Variants in RABGAP1L observed in about 807,000 individuals in gnomAD.
RABGAP1L encodes rab GTPase-activating protein 1-like.
A neutral mutation model predicts 137.7 loss-of-function variants in RABGAP1L; 63 were observed. The ratio of observed to expected loss-of-function variants is 0.46; its 90% confidence interval spans 0.37 to 0.56. The LOEUF is 0.56. Ranked by LOEUF, RABGAP1L falls within the 20% of genes least tolerant of loss-of-function variation. The pLI is 0.00. For missense variants in RABGAP1L, 1,095 were observed against 1,244.0 expected (o/e 0.88, Z 1.80); for synonymous variants, 431 against 433.7 (o/e 0.99, Z 0.08).
At chr1:174,555,519 GAAAAATGTATGTCCCCCCCCCAAA>G (rs1470359187) in intron 13 of RABGAP1L, among the ~76,000 whole-genome samples, 2 of 150,494 alleles carry the variant, frequency 1.3e-5, no homozygotes, top group East Asian at 3.9e-4. Flanking sequence ...TATGTAACAA[GAAAAATGTATGTCCCCCCCCCAAA>G]AAAAATGTAT....
intron 13 of RABGAP1L, among the ~76,000 whole-genome samples, chr1:174,560,295 TATACCCAAGTGTAGTATTC>T (rs1667128822): frequency 6.6e-6 from 1 of 152,200 alleles, no homozygotes; most frequent in South Asian, 2.1e-4. Flanking sequence ...CCCCTCAGAA[TATACCCAAGTGTAGTATTC>T]ATGGTAGTCC....
At chr1:174,607,396 G>A (rs962774144) in intron 13 of RABGAP1L, among the ~76,000 whole-genome samples, 8 of 152,148 alleles carry the variant, frequency 5.3e-5, no homozygotes, top group African/African-American at 1.7e-4. Flanking sequence ...TGCTCTCAGA[G>A]GGTAGGGCCA....
intron 13 of RABGAP1L, among the ~76,000 whole-genome samples, chr1:174,540,795 A>G (rs1039446568): frequency 1.3e-5 from 2 of 152,222 alleles, no homozygotes; most frequent in African/African-American, 4.8e-5. Flanking sequence ...TTGGTTGCAT[A>G]TGAACTTTAA....
At position 174,660,596 on chromosome 1, in the gene RABGAP1L, C is replaced by T. The variant is rs185771348; in HGVS notation, c.1825-22926C>T. On this transcript the variant is annotated intron_variant, in intron 14 of 25. Coordinates refer to ENST00000681986, the MANE Select transcript of RABGAP1L (RefSeq NM_001366446.1). ...TTTAGTATTAAAGCCTACATTCTTA[C>T]GGTGATTTACCAGGCTGTAAACTCC... is the stretch of plus-strand genomic sequence containing the variant. Among the ~76,000 whole-genome samples, 117 of 152,264 alleles carry T rather than the reference C, an allele frequency of 7.7e-4. 1 individual carries two copies. Among genetic ancestry groups the T allele is most frequent in the African/African-American group, 2.5e-3 (105 of 41,558 alleles).
chr1:174,722,671 G>A (rs142643359), intron 17 of RABGAP1L, among the ~76,000 whole-genome samples: 1 of 151,918 alleles, frequency 6.6e-6, no homozygotes, highest in African/African-American at 2.4e-5. Context: ...GGCTGGTCGT[G>A]AGCTCCTGAC....
chr1:174,527,969 C>A (rs185410339), intron 13 of RABGAP1L, among the ~76,000 whole-genome samples: 1 of 140,412 alleles, frequency 7.1e-6, no homozygotes, highest in East Asian at 2.1e-4. Flanking sequence ...CACAGCTACT[C>A]TTGCTTCCTT....
chr1:174,893,038 G>A (rs551580974), intron 19 of RABGAP1L: 6 of 262,508 alleles, frequency 2.3e-5, no homozygotes, highest in East Asian at 2.0e-4. Flanking sequence ...GAGCCACCAC[G>A]CCCAGCCAGG....
At chr1:174,262,656 T>C (rs1346609825) in intron 7 of RABGAP1L, among the ~76,000 whole-genome samples, 1 of 152,228 alleles carries the variant, frequency 6.6e-6, no homozygotes, top group Non-Finnish European at 1.5e-5. Context: ...CACAGTATAC[T>C]TCTATAATAT....
intron 7 of RABGAP1L, among the ~76,000 whole-genome samples, chr1:174,262,364 T>C (rs939981071): frequency 6.6e-6 from 1 of 152,222 alleles, no homozygotes; most frequent in African/African-American, 2.4e-5. Flanking sequence ...AGAAATACTT[T>C]TAAAATATGA....
At chr1:174,704,224 C>T (rs1243043729) in intron 17 of RABGAP1L, among the ~76,000 whole-genome samples, 1 of 152,164 alleles carries the variant, frequency 6.6e-6, no homozygotes, top group African/African-American at 2.4e-5. Flanking sequence ...GTCTCAAACT[C>T]GGTCTCCCAA....
chr1:174,467,356 G>T (rs1227246366), intron 13 of RABGAP1L, among the ~76,000 whole-genome samples: 2 of 151,270 alleles, frequency 1.3e-5, no homozygotes, highest in Non-Finnish European at 1.5e-5. Context: ...AATACTACCA[G>T]ATCTTCTAGT....
intron 12 of RABGAP1L, among the ~76,000 whole-genome samples, chr1:174,385,066 T>A (rs1366896428): frequency 6.6e-6 from 1 of 152,178 alleles, no homozygotes; most frequent in East Asian, 1.9e-4. Flanking sequence ...TTTAAAAACA[T>A]CATTCTGACT....
At chr1:174,168,264 C>CAAAAAA (rs3056992) in intron 1 of RABGAP1L, among the ~76,000 whole-genome samples, 1 of 64,718 alleles carries the variant, frequency 1.5e-5, no homozygotes, top group Non-Finnish European at 3.0e-5. Flanking sequence ...GACTCGGTCT[C>CAAAAAA]AAAAAAAAAA....
At chr1:174,696,227 T>C (rs898831858) in intron 15 of RABGAP1L, among the ~76,000 whole-genome samples, 1 of 152,094 alleles carries the variant, frequency 6.6e-6, no homozygotes, top group Non-Finnish European at 1.5e-5. Context: ...TTCAGGACTC[T>C]GCTTCATGTT....
At chr1:174,565,308 C>T (rs1294364555) in intron 13 of RABGAP1L, among the ~76,000 whole-genome samples, 1 of 152,132 alleles carries the variant, frequency 6.6e-6, no homozygotes, top group African/African-American at 2.4e-5. Flanking sequence ...CCCATATCTC[C>T]CTACTTTCAC....
At chr1:174,588,788 T>C (rs1183422521) in intron 13 of RABGAP1L, among the ~76,000 whole-genome samples, 1 of 152,200 alleles carries the variant, frequency 6.6e-6, no homozygotes, top group Non-Finnish European at 1.5e-5. Context: ...TCTCATTCTT[T>C]TTTATGGCTG....
chr1:174,905,260 C>T (rs1056937256), intron 19 of RABGAP1L, among the ~76,000 whole-genome samples: 1 of 152,062 alleles, frequency 6.6e-6, no homozygotes, highest in African/African-American at 2.4e-5. Flanking sequence ...ATGACCTTTC[C>T]AAAGAGACAG....
intron 18 of RABGAP1L, among the ~76,000 whole-genome samples, chr1:174,763,510 G>A (rs929513315): frequency 8.6e-5 from 13 of 151,484 alleles, no homozygotes; most frequent in Non-Finnish European, 1.5e-4. Context: ...AATTAGCCGG[G>A]CGTGGTAGCG....
At chr1:174,748,214 C>A (rs1488636918) in intron 17 of RABGAP1L, among the ~76,000 whole-genome samples, 2 of 152,160 alleles carry the variant, frequency 1.3e-5, no homozygotes, top group Non-Finnish European at 2.9e-5. Context: ...GGGGTTCTTA[C>A]TGTAATTTGA....
Sources: allele counts gnomAD v4.1 joint callset (sites outside exome capture counted in the v4.1 genomes callset), GRCh38; gene constraint gnomAD v4.1.1; transcripts MANE v1.5; gene names NCBI Gene and HGNC (gene_info 2026-07-23, HGNC 2026-07-21).